OCRL: variants seen among roughly 807,000 people sequenced by gnomAD.
The protein encoded by OCRL is OCRL inositol polyphosphate-5-phosphatase.
In OCRL, 8 loss-of-function variants were observed where a neutral mutation model predicts 78.9. The observed-to-expected ratio is 0.10, with a 90% CI of 0.06 to 0.18. OCRL has a LOEUF of 0.18. Among genes scored for constraint, OCRL ranks in the 10% least tolerant of loss-of-function variants. OCRL has a pLI of 1.00. For synonymous variants in OCRL, 240 were observed against 235.4 expected, an observed-to-expected ratio of 1.02 and a Z score of -0.18; for missense variants, 454 against 696.7, an observed-to-expected ratio of 0.65 and a Z score of 3.92.
At chrX:129,575,061 G>A (rs1936351004) in intron 15 of OCRL, 79 bp from the exon 16 acceptor site, 3 of 703,348 alleles carry the variant, frequency 4.3e-6, no homozygotes, top group East Asian at 3.2e-5. Context: ...GTAATGACCA[G>A]TTTTAAATTG....
chrX:129,574,790 G>A (rs1298971541), intron 15 of OCRL, among the ~76,000 whole-genome samples: 2 of 112,298 alleles, frequency 1.8e-5, no homozygotes, highest in East Asian at 2.8e-4. Flanking sequence ...GCTTCTTAAC[G>A]TAGGGGTTTA....
intron 2 of OCRL, among the ~76,000 whole-genome samples, chrX:129,542,337 C>T (rs1935817933): frequency 9.1e-6 from 1 of 109,375 alleles, no homozygotes; most frequent in Non-Finnish European, 1.9e-5. Context: ...ATAGGTAACA[C>T]TATATAACAA....
At position 129,541,249 on chromosome X, in the gene OCRL, A is replaced by G. The variant is rs752674336; in HGVS notation, c.119+426A>G. On this transcript the variant is annotated intron_variant, in intron 2 of 23. Coordinates refer to ENST00000371113, the MANE Select transcript of OCRL (RefSeq NM_000276.4). ...GTGGCTTCCAAAAAGTAAAAGTGCT[A>G]TGGAAATGCTTCATTGTTAACGTTA... 2.8e-4 allele frequency among the ~76,000 whole-genome samples: 32 copies of G among 112,360 alleles called. No individual in the cohort carries two copies. In the South Asian group the frequency reaches 5.9e-3, roughly 21 times the overall value.
intron 12 of OCRL, among the ~76,000 whole-genome samples, chrX:129,564,135 GGCCATCA>G (rs1936181564): frequency 9.0e-6 from 1 of 111,145 alleles, no homozygotes; most frequent in African/African-American, 3.3e-5. Flanking sequence ...CACCATCACT[GGCCATCA>G]GAGAAACGCA....
At chrX:129,584,516 G>A in intron 19 of OCRL, 149 bp downstream of exon 19, 1 of 521,503 alleles carries the variant, frequency 1.9e-6, no homozygotes, top group East Asian at 3.5e-5. Flanking sequence ...GTCCTTAAGT[G>A]TGTTTGAAGT....
At chrX:129,550,560 TA>T (rs1383553334) in intron 4 of OCRL, among the ~76,000 whole-genome samples, 5 of 111,496 alleles carry the variant, frequency 4.5e-5, no homozygotes, top group Non-Finnish European at 1.9e-5. Context: ...GTTTTTAGGT[TA>T]AGTATTTCGT....
intron 2 of OCRL, among the ~76,000 whole-genome samples, chrX:129,542,975 CAG>C (rs1034490104): frequency 5.4e-5 from 6 of 111,535 alleles, no homozygotes; most frequent in Admixed American, 9.5e-5. Context: ...TTTTTGGAAA[CAG>C]GGAATCAAAC....
chrX:129,542,896 A>G (rs776773306), intron 2 of OCRL, among the ~76,000 whole-genome samples: 1 of 112,040 alleles, frequency 8.9e-6, no homozygotes, highest in East Asian at 2.8e-4. Context: ...TTAAATCTTT[A>G]GGTCTGTGGT....
rs767279122 is a variant in OCRL at position 129,558,773 on chromosome X, A to G, written c.560+20A>G. On this transcript the variant is annotated intron_variant, in intron 7 of 23. Coordinates refer to ENST00000371113, the MANE Select transcript of OCRL (RefSeq NM_000276.4). The stretch of plus-strand genomic sequence containing the variant: ...TAAAATGTAAGTCCCATGTGAAAAC[A>G]TATTTGCCTTGTAGGAGAATTATAG... 2.5e-6 allele frequency: 3 copies of G among 1,210,844 alleles called. No individual in the cohort carries two copies. Among genetic ancestry groups the G allele is most frequent in the African/African-American group, 3.5e-5 (2 of 57,432 alleles).
At chrX:129,544,848 C>G (rs1935856567) in intron 2 of OCRL, 110 bp from the exon 3 acceptor site, 2 of 537,600 alleles carry the variant, frequency 3.7e-6, no homozygotes, top group Non-Finnish European at 6.6e-6. Flanking sequence ...GAACTAGATG[C>G]AGCAAGTCTA....
intron 2 of OCRL, 49 bp downstream of exon 2, chrX:129,540,872 C>T (rs769904441): frequency 1.2e-5 from 13 of 1,057,173 alleles, no homozygotes; most frequent in South Asian, 1.9e-5. Context: ...GCCATTACCT[C>T]CCAACCCCAA....
chrX:129,540,736 G>A lies in OCRL; in HGVS notation c.40-8G>A, dbSNP rs1935784553. 3.3e-6 allele frequency: 4 copies of A among 1,202,875 alleles called. No homozygotes were observed. The highest frequency in any genetic ancestry group is 1.8e-5 in the African/African-American group (1 of 56,639). On this transcript the variant is annotated splice_polypyrimidine_tract_variant and splice_region_variant and intron_variant, in intron 1 of 23. Transcript: ENST00000371113. ...CTTCCGAAGGAGACCCTTGACTAGC[G>A]CCCGCATACTGTCGAGGGTATGGAG...
In OCRL at chrX:129,557,856, T is replaced by C. The variant is rs200744251; in HGVS notation, c.350-5T>C. 2.7e-5 allele frequency: 32 copies of C among 1,168,917 alleles called. No homozygotes were observed. The African/African-American group carries it at 4.9e-4, about 18-fold the overall frequency. ...AGTTTCTGACCATGAACCTTATCTC[T>C]CTAGCTCAGTCACAGCTTCTTGTTC... On this transcript the variant is annotated splice_polypyrimidine_tract_variant and splice_region_variant and intron_variant, in intron 5 of 23. Transcript: ENST00000371113.
In OCRL at chrX:129,562,605, A is replaced by G. The variant is rs758575590; in HGVS notation, c.1063A>G (p.Lys355Glu). Residue 355 changes from lysine to glutamate, a missense_variant, in exon 12 of 24, where the codon AAA (lysine) becomes GAA (glutamate). By Grantham distance (56) the Lys-to-Glu change is moderately conservative. This residue lies in a region of OCRL where 277 missense variants were observed against 517.1 expected (regional missense o/e 0.54). Coordinates refer to ENST00000371113, the MANE Select transcript of OCRL (RefSeq NM_000276.4). ...TAATTACTCTTGCTAACAGGGAAACAAAGGTGGGGTAGCTGTGAGATTTGT... is the reference window on the plus strand; with the variant it reads ...TAATTACTCTTGCTAACAGGGAAACGAAGGTGGGGTAGCTGTGAGATTTGT... Reference protein sequence around the residue: ...GTGIMGKMGNKGGVAVRFVFH... With the variant: ...GTGIMGKMGNEGGVAVRFVFH... 1 of 1,211,369 alleles carries G rather than the reference A, an allele frequency of 8.3e-7. No individual in the cohort carries two copies.
chrX:129,545,190 T>A (rs760435899), intron 3 of OCRL, among the ~76,000 whole-genome samples, 153 bp downstream of exon 3: 1 of 112,932 alleles, frequency 8.9e-6, no homozygotes, highest in African/African-American at 3.2e-5. Context: ...GATGATACTT[T>A]CTCTAAGAAT....
chrX:129,555,235 G>C (rs1328149476), intron 4 of OCRL, among the ~76,000 whole-genome samples: 1 of 110,004 alleles, frequency 9.1e-6, no homozygotes, highest in Admixed American at 9.7e-5. Context: ...CCAGCACTTT[G>C]GGAGGCCAAG....
chrX:129,540,739 C>A lies in OCRL; in HGVS notation c.40-5C>A. ...CCGAAGGAGACCCTTGACTAGCGCC[C>A]GCATACTGTCGAGGGTATGGAGATG... is the stretch of plus-strand genomic sequence containing the variant. On this transcript the variant is annotated splice_polypyrimidine_tract_variant and splice_region_variant and intron_variant, in intron 1 of 23. Transcript: ENST00000371113. 1 of 1,206,217 alleles carries A rather than the reference C, an allele frequency of 8.3e-7. No individual in the cohort carries two copies. The highest frequency in any genetic ancestry group is 1.1e-6 in the Non-Finnish European group (1 of 890,901).
chrX:129,558,503 C>G (rs1936095205), intron 6 of OCRL, 130 bp from the exon 7 acceptor site: 1 of 771,113 alleles, frequency 1.3e-6, no homozygotes. Context: ...CAAGTAATTT[C>G]TACCCTTATG....
intron 4 of OCRL, among the ~76,000 whole-genome samples, chrX:129,553,032 T>C (rs1935987916): frequency 8.9e-6 from 1 of 112,349 alleles, no homozygotes; most frequent in Non-Finnish European, 1.9e-5. Context: ...GAAAGTCCCA[T>C]TGGACAATAC....
Sources: gnomAD v4.1 joint callset for allele counts (sites outside exome capture counted in the v4.1 genomes callset) on GRCh38, gnomAD v4.1.1 for gene constraint, gnomAD v4.1.1 regional missense constraint, MANE v1.5 for transcripts, NCBI Gene and HGNC (gene_info 2026-07-23, HGNC 2026-07-21) for gene names.